JMY: variants seen among roughly 807,000 people sequenced by gnomAD.
The protein encoded by JMY is junction mediating and regulatory protein, p53 cofactor.
In JMY, 46 loss-of-function variants were observed where a neutral mutation model predicts 103.3. The observed-to-expected ratio is 0.45, with a 90% CI of 0.35 to 0.57. JMY has a LOEUF of 0.57. Ranked by LOEUF, JMY falls within the 20% of genes least tolerant of loss-of-function variation. The pLI is 0.00. For synonymous variants in JMY, 526 were observed against 489.3 expected (o/e 1.07, Z -0.99); for missense variants, 1,238 against 1,255.2 (o/e 0.99, Z 0.21).
At position 79,314,764 on chromosome 5, in the gene JMY, C is replaced by T. The variant is rs1561316293; in HGVS notation, c.2572C>T (p.Pro858Ser). Residue 858 changes from proline (P) to serine (S), a missense_variant, in exon 9 of 11, where the codon CCC becomes TCC. Pro to Ser is a moderately conservative substitution (Grantham distance 74). Transcript: ENST00000396137. ...EKRIPKSASAPSAHLFDSSQL... is the reference protein window; with the variant it reads ...EKRIPKSASASSAHLFDSSQL... ...GAGGATCCCAAAGTCAGCCAGTGCC[C>T]CCTCAGCACACCTCTTTGACAGCAG... 1 of 1,613,464 alleles carries T rather than the reference C, an allele frequency of 6.2e-7. No individual in the cohort carries two copies. The highest frequency in any genetic ancestry group is 1.7e-5 in the Admixed American group (1 of 59,944).
chr5:79,308,035 C>A (rs973392855), intron 7 of JMY, among the ~76,000 whole-genome samples: 2 of 152,130 alleles, frequency 1.3e-5, no homozygotes, highest in African/African-American at 4.8e-5. Flanking sequence ...CCGTGCCTAG[C>A]CTTTTTGCTC....
At chr5:79,241,783 TTTTACAAGAG>T (rs1744750295) in intron 1 of JMY, among the ~76,000 whole-genome samples, 1 of 152,208 alleles carries the variant, frequency 6.6e-6, no homozygotes, top group Non-Finnish European at 1.5e-5. Context: ...GAATTTGGAC[TTTTACAAGAG>T]TTTACTATTG....
At chr5:79,254,372 A>G (rs1745177292) in intron 1 of JMY, among the ~76,000 whole-genome samples, 1 of 152,074 alleles carries the variant, frequency 6.6e-6, no homozygotes, top group Non-Finnish European at 1.5e-5. Context: ...AGCTTTTGTC[A>G]GGGAAAGTCT....
intron 6 of JMY, among the ~76,000 whole-genome samples, chr5:79,301,097 G>A (rs12108741): frequency 0.016 from 2,391 of 152,224 alleles, 69 homozygotes; most frequent in African/African-American, 0.054. Flanking sequence ...TAAAGGCCTT[G>A]ACTACAGGAT....
intron 1 of JMY, among the ~76,000 whole-genome samples, chr5:79,271,224 G>A (rs1745775274): frequency 6.6e-6 from 1 of 150,972 alleles, no homozygotes; most frequent in Admixed American, 6.6e-5. Context: ...AGTAGAGAGA[G>A]TCTCGCTATG....
intron 4 of JMY, among the ~76,000 whole-genome samples, chr5:79,292,156 A>G (rs1432935114): frequency 1.3e-5 from 2 of 152,208 alleles, no homozygotes; most frequent in East Asian, 3.9e-4. Context: ...ATCGCTGTGC[A>G]TGGATTTCAT....
intron 4 of JMY, among the ~76,000 whole-genome samples, chr5:79,298,725 A>G (rs956840289): frequency 2.0e-5 from 3 of 152,210 alleles, no homozygotes; most frequent in African/African-American, 7.2e-5. Flanking sequence ...TTATTTTTAA[A>G]TTTTTACAAC....
chr5:79,272,404 A>G (rs1435066794), intron 1 of JMY, among the ~76,000 whole-genome samples: 1 of 151,860 alleles, frequency 6.6e-6, no homozygotes, highest in East Asian at 1.9e-4. Flanking sequence ...TTTTCTGTTT[A>G]TATCTTCTGT....
At chr5:79,284,634 G>A in intron 2 of JMY, 1 of 1,561,292 alleles carries the variant, frequency 6.4e-7, no homozygotes, top group Non-Finnish European at 8.7e-7. Context: ...AAGTTAGGCA[G>A]TTTTTACCCT....
intron 2 of JMY, chr5:79,284,044 A>ATTTC (rs1221185807): frequency 2.0e-4 from 112 of 568,900 alleles, no homozygotes; most frequent in Non-Finnish European, 1.9e-4. Flanking sequence ...CAAGGTACAA[A>ATTTC]TTACTTTCTT....
intron 6 of JMY, among the ~76,000 whole-genome samples, chr5:79,301,533 A>G (rs1171144474): frequency 6.6e-6 from 1 of 152,188 alleles, no homozygotes; most frequent in Non-Finnish European, 1.5e-5. Context: ...TTCCACAGAA[A>G]ATCAATACCT....
chr5:79,300,853 G>C lies in JMY; in HGVS notation c.1871G>C (p.Arg624Thr). 3.8e-6 allele frequency: 6 copies of C among 1,587,996 alleles called. No homozygotes were observed. The highest frequency in any genetic ancestry group is 5.1e-6 in the Non-Finnish European group (6 of 1,171,258). Residue 624 changes from arginine to threonine, a missense_variant, in exon 6 of 11, where the codon AGA becomes ACA. Arg to Thr is a moderately conservative substitution (Grantham distance 71). Coordinates refer to ENST00000396137, the MANE Select transcript of JMY (RefSeq NM_152405.5). ...GRVSAKKSYLRNKKEICIAKH... is the reference protein window; with the variant it reads ...GRVSAKKSYLTNKKEICIAKH... ...GTTTCTGCCAAGAAATCCTACCTCAGAAATAAAAAGGTATTTAAATATTGC... is the reference window on the plus strand; with the variant it reads ...GTTTCTGCCAAGAAATCCTACCTCACAAATAAAAAGGTATTTAAATATTGC...
intron 1 of JMY, among the ~76,000 whole-genome samples, chr5:79,246,014 C>G (rs1330618968): frequency 6.6e-6 from 1 of 152,116 alleles, no homozygotes; most frequent in African/African-American, 2.4e-5. Context: ...TTTGAGAAAG[C>G]CTAAATTCAC....
intron 1 of JMY, among the ~76,000 whole-genome samples, chr5:79,270,511 AATATTTAAAATAT>A (rs1745732600): frequency 1.2e-5 from 1 of 83,256 alleles, no homozygotes; most frequent in African/African-American, 4.0e-5. Flanking sequence ...TATTTACATA[AATATTTAAAATAT>A]ATATTTACAT....
intron 1 of JMY, among the ~76,000 whole-genome samples, chr5:79,272,720 A>G (rs1235288613): frequency 6.6e-6 from 1 of 152,184 alleles, no homozygotes; most frequent in Non-Finnish European, 1.5e-5. Context: ...TGCAGCCTCA[A>G]ACTCGTGAGT....
chr5:79,308,687 TTTTG>T (rs1561313418), intron 7 of JMY, among the ~76,000 whole-genome samples: 3 of 152,202 alleles, frequency 2.0e-5, no homozygotes, highest in Admixed American at 6.5e-5. Context: ...CTAATATCTT[TTTTG>T]TTTTTTTCAT....
chr5:79,303,235 T>C (rs1183838001), intron 6 of JMY, among the ~76,000 whole-genome samples: 3 of 152,068 alleles, frequency 2.0e-5, no homozygotes, highest in Admixed American at 6.6e-5. Flanking sequence ...TTTTAAAATA[T>C]TTTATTTATT....
intron 1 of JMY, among the ~76,000 whole-genome samples, chr5:79,257,670 T>C (rs1289752276): frequency 8.5e-5 from 13 of 152,226 alleles, no homozygotes; most frequent in Non-Finnish European, 1.5e-4. Flanking sequence ...TGTTGACAGC[T>C]GATATCATCC....
intron 5 of JMY, 116 bp downstream of exon 5, chr5:79,300,434 T>C: frequency 2.9e-6 from 3 of 1,041,874 alleles, no homozygotes; most frequent in South Asian, 3.6e-5. Context: ...TCTGTAGGGA[T>C]AGAGTGTGGG....
Sources: gnomAD v4.1 joint callset for allele counts (sites outside exome capture counted in the v4.1 genomes callset) on GRCh38, gnomAD v4.1.1 for gene constraint, MANE v1.5 for transcripts, NCBI Gene and HGNC (gene_info 2026-07-23, HGNC 2026-07-21) for gene names.